MICU2: variants seen among roughly 807,000 people sequenced by gnomAD.
The protein encoded by MICU2 is calcium uptake protein 2, mitochondrial.
A neutral mutation model predicts 60.4 loss-of-function variants in MICU2; 64 were observed. The observed-to-expected ratio is 1.06, with a 90% CI of 0.87 to 1.31. MICU2 has a LOEUF of 1.31. Ranked by LOEUF, MICU2 falls within the 50% of genes most tolerant of loss-of-function variation. The pLI, the probability that MICU2 is intolerant of heterozygous loss-of-function variation, is 0.00. For missense variants in MICU2, 569 were observed against 531.0 expected, an observed-to-expected ratio of 1.07 and a Z score of -0.70; for synonymous variants, 201 against 175.0, an observed-to-expected ratio of 1.15 and a Z score of -1.17.
intron 1 of MICU2, among the ~76,000 whole-genome samples, chr13:21,572,832 C>A (rs368460425): frequency 1.3e-5 from 2 of 152,054 alleles, no homozygotes; most frequent in African/African-American, 4.8e-5. Context: ...AATCAACAGG[C>A]CCAGGTCTAT....
chr13:21,511,153 T>G (rs570498235), intron 7 of MICU2, among the ~76,000 whole-genome samples: 6 of 152,312 alleles, frequency 3.9e-5, no homozygotes, highest in Admixed American at 3.9e-4. Context: ...CAGTAAGGAT[T>G]ACATTTAGAC....
intron 10 of MICU2, 173 bp downstream of exon 10, chr13:21,495,879 T>G: frequency 1.9e-6 from 1 of 537,372 alleles, no homozygotes; most frequent in Admixed American, 3.5e-5. Context: ...GTATAGAAAG[T>G]AACCATTAAA....
intron 1 of MICU2, among the ~76,000 whole-genome samples, chr13:21,591,531 T>C (rs991892389): frequency 3.9e-5 from 6 of 152,322 alleles, no homozygotes; most frequent in East Asian, 1.9e-4. Flanking sequence ...GTGGACCTAG[T>C]AGACATCTAC....
chr13:21,533,825 C>G (rs910211079), intron 4 of MICU2, among the ~76,000 whole-genome samples: 1 of 152,024 alleles, frequency 6.6e-6, no homozygotes, highest in Non-Finnish European at 1.5e-5. Flanking sequence ...AGTTGCAGGT[C>G]ATTAACTATT....
At chr13:21,546,083 GACA>G (rs1887411211) in intron 2 of MICU2, among the ~76,000 whole-genome samples, 1 of 152,068 alleles carries the variant, frequency 6.6e-6, no homozygotes, top group South Asian at 2.1e-4. Context: ...AAAAAAAGAG[GACA>G]AATTCAGTGG....
At chr13:21,513,512 C>A (rs930238537) in intron 7 of MICU2, among the ~76,000 whole-genome samples, 2 of 151,760 alleles carry the variant, frequency 1.3e-5, no homozygotes, top group Admixed American at 6.6e-5. Flanking sequence ...CCGAAGCGGG[C>A]GGATCACCTG....
chr13:21,518,207 A>G (rs1886629464), intron 6 of MICU2, among the ~76,000 whole-genome samples: 1 of 152,254 alleles, frequency 6.6e-6, no homozygotes, highest in Admixed American at 6.5e-5. Flanking sequence ...AAAAAATTTT[A>G]AAGTAGGTAT....
At chr13:21,502,764 T>TAG (rs3066525) in intron 9 of MICU2, 162 bp downstream of exon 9, 22 of 641,690 alleles carry the variant, frequency 3.4e-5, no homozygotes, top group African/African-American at 3.4e-4. Flanking sequence ...TCTTAGGCAG[T>TAG]TTTCCTTTAC....
At chr13:21,599,981 A>G (rs894882501) in intron 1 of MICU2, among the ~76,000 whole-genome samples, 18 of 152,234 alleles carry the variant, frequency 1.2e-4, no homozygotes, top group African/African-American at 4.1e-4. Context: ...ACATTCATTA[A>G]ATGAAGAAAA....
At chr13:21,506,849 A>G (rs562469643) in intron 8 of MICU2, among the ~76,000 whole-genome samples, 1 of 152,312 alleles carries the variant, frequency 6.6e-6, no homozygotes, top group South Asian at 2.1e-4. Context: ...GCCTCCTTAC[A>G]TCGTCAGTTA....
intron 1 of MICU2, among the ~76,000 whole-genome samples, chr13:21,571,648 A>G (rs773947556): frequency 3.3e-5 from 5 of 152,262 alleles, no homozygotes; most frequent in Non-Finnish European, 5.9e-5. Flanking sequence ...CAGTGAGCCA[A>G]GATCGTGCCA....
chr13:21,590,718 G>C (rs933660975), intron 1 of MICU2, among the ~76,000 whole-genome samples: 3 of 152,188 alleles, frequency 2.0e-5, no homozygotes, highest in African/African-American at 7.2e-5. Flanking sequence ...AGCTAGGTGT[G>C]GTGGCATTTG....
chr13:21,555,130 A>G (rs761500191), intron 2 of MICU2, among the ~76,000 whole-genome samples: 1 of 152,230 alleles, frequency 6.6e-6, no homozygotes, highest in African/African-American at 2.4e-5. Context: ...AAACTATTCC[A>G]ATCAATAGAA....
intron 2 of MICU2, among the ~76,000 whole-genome samples, chr13:21,543,485 AT>A (rs1410981155): frequency 6.6e-6 from 1 of 152,222 alleles, no homozygotes. Flanking sequence ...CAGATATAAA[AT>A]CAACATAGAA....
chr13:21,603,287 T>C (rs550500737), intron 1 of MICU2, among the ~76,000 whole-genome samples: 1 of 152,290 alleles, frequency 6.6e-6, no homozygotes, highest in South Asian at 2.1e-4. Context: ...TTGTCTTTAA[T>C]AGATGGAGGT....
intron 6 of MICU2, among the ~76,000 whole-genome samples, chr13:21,517,831 T>G (rs1371904228): frequency 1.3e-5 from 2 of 151,434 alleles, no homozygotes; most frequent in Non-Finnish European, 2.9e-5. Context: ...GCTACATACT[T>G]AGGTTTACTA....
intron 4 of MICU2, among the ~76,000 whole-genome samples, chr13:21,534,913 T>C (rs955773334): frequency 6.6e-6 from 1 of 152,142 alleles, no homozygotes; most frequent in Non-Finnish European, 1.5e-5. Flanking sequence ...AGCTGAGAAG[T>C]GGAAGCTGTT....
In MICU2 at chr13:21,544,055, T is replaced by C. The variant is rs2138007448; in HGVS notation, c.359-4367A>G. ...TAGTTAGAAGTACCAAGAACCTAAGTTGAGGAGAGAACACTCTCTTCAATA... is the reference window on the plus strand; with the variant it reads ...TAGTTAGAAGTACCAAGAACCTAAGCTGAGGAGAGAACACTCTCTTCAATA... On this transcript the variant is annotated intron_variant, in intron 2 of 11. Coordinates refer to ENST00000382374, the MANE Select transcript of MICU2 (RefSeq NM_152726.3). Among the ~76,000 whole-genome samples, 3 of 152,160 alleles carry C rather than the reference T, an allele frequency of 2.0e-5. No homozygotes were observed. In the South Asian group the frequency reaches 6.2e-4, roughly 32 times the overall value.
chr13:21,564,914 C>T (rs1850458653), intron 2 of MICU2, among the ~76,000 whole-genome samples: 1 of 152,126 alleles, frequency 6.6e-6, no homozygotes, highest in African/African-American at 2.4e-5. Flanking sequence ...CACTCAGATT[C>T]CAGCAATTAA....
Sources: allele counts gnomAD v4.1 joint callset (sites outside exome capture counted in the v4.1 genomes callset), GRCh38; gene constraint gnomAD v4.1.1; transcripts MANE v1.5; gene names NCBI Gene and HGNC (gene_info 2026-07-23, HGNC 2026-07-21).